SPMAP2L: variants seen among roughly 807,000 people sequenced by gnomAD.
SPMAP2L encodes sperm microtubule associated protein 2-like.
the SPMAP2L span, among the ~76,000 whole-genome samples, chr4:56,610,983 A>G: frequency 6.6e-6 from 1 of 152,238 alleles, no homozygotes; most frequent in African/African-American, 2.4e-5. Context: ...GAACACTTCT[A>G]CATTGCTCAT....
At chr4:56,559,455 G>A in the SPMAP2L span, 3 of 1,532,808 alleles carry the variant, frequency 2.0e-6, no homozygotes, top group Non-Finnish European at 2.6e-6. Context: ...TGAAGGCTCA[G>A]CTGACCAAAA....
At chr4:56,575,777 C>T in the SPMAP2L span, 1 of 808,694 alleles carries the variant, frequency 1.2e-6, no homozygotes, top group Non-Finnish European at 1.8e-6. Context: ...GGTAAAAAAT[C>T]AAATATTTGC....
At chr4:56,570,194 A>G in the SPMAP2L span, among the ~76,000 whole-genome samples, 1 of 152,140 alleles carries the variant, frequency 6.6e-6, no homozygotes, top group Non-Finnish European at 1.5e-5. Flanking sequence ...TATTCTCTTC[A>G]GCATAACTTT....
At chr4:56,545,167 G>C in the SPMAP2L span, among the ~76,000 whole-genome samples, 1 of 152,198 alleles carries the variant, frequency 6.6e-6, no homozygotes, top group Non-Finnish European at 1.5e-5. Context: ...AGATTCCACT[G>C]TTAGGAACAG....
the SPMAP2L span, among the ~76,000 whole-genome samples, chr4:56,596,841 C>A: frequency 1.3e-5 from 2 of 152,162 alleles, no homozygotes; most frequent in Non-Finnish European, 2.9e-5. Flanking sequence ...AGTTTTGGAG[C>A]TGGATTCAAA....
the SPMAP2L span, among the ~76,000 whole-genome samples, chr4:56,550,192 T>C: frequency 0.023 from 3,534 of 152,264 alleles, 137 homozygotes; most frequent in African/African-American, 0.075. Flanking sequence ...CTCACTACGT[T>C]GCCCAGGCTG....
chr4:56,600,471 T>A, the SPMAP2L span, among the ~76,000 whole-genome samples: 25 of 152,160 alleles, frequency 1.6e-4, no homozygotes, highest in African/African-American at 5.8e-4. Flanking sequence ...TTTTTGTATT[T>A]TTAGTACAGA....
chr4:56,617,306 A>G, the SPMAP2L span, among the ~76,000 whole-genome samples: 1 of 152,186 alleles, frequency 6.6e-6, no homozygotes, highest in East Asian at 1.9e-4. Context: ...ACAATATTAT[A>G]ATCTAATGGG....
chr4:56,570,450 G>A, the SPMAP2L span, among the ~76,000 whole-genome samples: 5 of 152,186 alleles, frequency 3.3e-5, no homozygotes, highest in East Asian at 1.9e-4. Context: ...GGGCTACAAA[G>A]CTGTGCAGCG....
At chr4:56,532,002 C>T in the SPMAP2L span, among the ~76,000 whole-genome samples, 1 of 152,178 alleles carries the variant, frequency 6.6e-6, no homozygotes, top group Admixed American at 6.5e-5. Context: ...CTGATTAAAC[C>T]CAGCCGTCCA....
the SPMAP2L span, among the ~76,000 whole-genome samples, chr4:56,609,171 T>C: frequency 6.6e-6 from 1 of 151,228 alleles, no homozygotes; most frequent in Non-Finnish European, 1.5e-5. Flanking sequence ...GCCCCCCGAG[T>C]AGCTGGGATT....
At chr4:56,594,329 T>C in the SPMAP2L span, 1 of 1,526,876 alleles carries the variant, frequency 6.5e-7, no homozygotes, top group Non-Finnish European at 9.1e-7. Flanking sequence ...ACTGGGATCC[T>C]GCACCATGAA....
the SPMAP2L span, among the ~76,000 whole-genome samples, chr4:56,556,215 T>C: frequency 6.6e-6 from 1 of 152,176 alleles, no homozygotes; most frequent in African/African-American, 2.4e-5. Context: ...TTTGGGGCTA[T>C]TAAAATAATG....
chr4:56,560,886 C>G, the SPMAP2L span, among the ~76,000 whole-genome samples: 4 of 152,058 alleles, frequency 2.6e-5, no homozygotes, highest in African/African-American at 9.7e-5. Context: ...GCTGGGATTA[C>G]AGGTGTGAGC....
At chr4:56,586,176 A>G in the SPMAP2L span, among the ~76,000 whole-genome samples, 11 of 152,266 alleles carry the variant, frequency 7.2e-5, no homozygotes, top group South Asian at 2.3e-3. Context: ...TGTCTTAGTC[A>G]GCTTGGGCTG....
the SPMAP2L span, among the ~76,000 whole-genome samples, chr4:56,562,849 A>G: frequency 1.3e-5 from 2 of 148,166 alleles, no homozygotes. Context: ...GATAATAAAT[A>G]TAATTTATAT....
chr4:56,614,884 A>G, the SPMAP2L span, among the ~76,000 whole-genome samples: 19 of 152,306 alleles, frequency 1.2e-4, no homozygotes, highest in African/African-American at 4.6e-4. Context: ...TCTTTTTAAA[A>G]TGCAAACACA....
chr4:56,603,733 A>G, the SPMAP2L span, among the ~76,000 whole-genome samples: 1 of 152,200 alleles, frequency 6.6e-6, no homozygotes, highest in African/African-American at 2.4e-5. Flanking sequence ...AAGTCCTGGG[A>G]AATGAAATCA....
At chr4:56,543,897 T>TGTGTGTGTGTGTGTATGTGAGAGAGA in the SPMAP2L span, among the ~76,000 whole-genome samples, 1 of 68,996 alleles carries the variant, frequency 1.4e-5, no homozygotes, top group African/African-American at 5.5e-5. Context: ...AGAGAGAGAG[T>TGTGTGTGTGTGTGTATGTGAGAGAGA]GTGTGTGTGT....
Sources: allele counts gnomAD v4.1 joint callset (sites outside exome capture counted in the v4.1 genomes callset), GRCh38; gene constraint gnomAD v4.1.1; transcripts MANE v1.5; gene names NCBI Gene and HGNC (gene_info 2026-07-23, HGNC 2026-07-21).